TRAPPC10: variants seen among roughly 807,000 people sequenced by gnomAD.
TRAPPC10 encodes trafficking protein particle complex subunit 10, also known as TRAPP 130 kDa subunit.
TRAPPC10 carries 23 observed loss-of-function variants against 125.5 expected under a neutral mutation model. The observed-to-expected ratio is 0.18, with a 90% CI of 0.13 to 0.26. TRAPPC10 has a LOEUF of 0.26. Among genes scored for constraint, TRAPPC10 ranks in the 10% least tolerant of loss-of-function variants. The pLI is 1.00. For synonymous variants in TRAPPC10, 509 were observed against 518.0 expected (o/e 0.98, Z 0.24); for missense variants, 1,123 against 1,308.4 (o/e 0.86, Z 2.19).
At chr21:44,055,366 G>C (rs1454330648) in intron 4 of TRAPPC10, among the ~76,000 whole-genome samples, 5 of 152,072 alleles carry the variant, frequency 3.3e-5, no homozygotes, top group Non-Finnish European at 5.9e-5. Context: ...GAGGCAGGAG[G>C]ATTGTTTGAG....
At chr21:44,081,795 C>T (rs2037763685) in intron 13 of TRAPPC10, among the ~76,000 whole-genome samples, 1 of 152,140 alleles carries the variant, frequency 6.6e-6, no homozygotes, top group Non-Finnish European at 1.5e-5. Context: ...AGGAGGATCG[C>T]TTGAGCCCAG....
intron 5 of TRAPPC10, among the ~76,000 whole-genome samples, chr21:44,056,595 T>C (rs1014145146): frequency 2.6e-5 from 4 of 152,134 alleles, no homozygotes; most frequent in Non-Finnish European, 4.4e-5. Flanking sequence ...CTTTTCTCTG[T>C]AAAAAATGAT....
intron 7 of TRAPPC10, among the ~76,000 whole-genome samples, chr21:44,065,721 T>C (rs1168048973): frequency 6.6e-6 from 1 of 152,230 alleles, no homozygotes; most frequent in African/African-American, 2.4e-5. Flanking sequence ...CAGCCTCCCT[T>C]GTCGCTTGTG....
chr21:44,071,925 G>A lies in TRAPPC10; in HGVS notation c.1039-2399G>A, dbSNP rs886542378. ...TGAAAGCCTGCCCTTGTTCCTTGGC[G>A]TGGGTGTGTGCAGGACCTGCCTGCT... On this transcript the variant is annotated intron_variant, in intron 7 of 22. Coordinates refer to ENST00000291574, the MANE Select transcript of TRAPPC10 (RefSeq NM_003274.5). Among the ~76,000 whole-genome samples, 5 of 152,138 alleles carry A rather than the reference G, an allele frequency of 3.3e-5. No individual in the cohort carries two copies. The South Asian group carries it at 8.3e-4, about 25-fold the overall frequency.
intron 5 of TRAPPC10, among the ~76,000 whole-genome samples, chr21:44,056,297 A>G (rs541635610): frequency 6.6e-6 from 1 of 152,334 alleles, no homozygotes; most frequent in African/African-American, 2.4e-5. Context: ...AGAAGGAAAG[A>G]AAAACAGAAA....
chr21:44,040,018 T>C (rs944889790), intron 3 of TRAPPC10, among the ~76,000 whole-genome samples: 6 of 152,218 alleles, frequency 3.9e-5, no homozygotes, highest in Non-Finnish European at 8.8e-5. Flanking sequence ...AGTTTCAGAA[T>C]TGGTACACCT....
At position 44,091,907 on chromosome 21, in the gene TRAPPC10, T is replaced by C; in HGVS notation, c.2871-16T>C. Reference sequence around the variant, plus strand: ...TCTTACATATCAAAATAATACTTTTTGTTTTTCCACTTTAGGAAATATGTT... The same window carrying C: ...TCTTACATATCAAAATAATACTTTTCGTTTTTCCACTTTAGGAAATATGTT... On this transcript the variant is annotated splice_polypyrimidine_tract_variant and intron_variant, in intron 18 of 22. Transcript: ENST00000291574. 6.2e-7 allele frequency: 1 copy of C among 1,612,076 alleles called. No homozygotes were observed. Among genetic ancestry groups the C allele is most frequent in the Non-Finnish European group, 8.5e-7 (1 of 1,179,046 alleles).
chr21:44,089,918 T>G lies in TRAPPC10; in HGVS notation c.2855T>G (p.Leu952Arg). The G allele has an allele frequency of 6.2e-7, 1 of 1,613,636 alleles. No homozygotes were observed. Among genetic ancestry groups the G allele is most frequent in the Non-Finnish European group, 8.5e-7 (1 of 1,179,638 alleles). ...CCCTTCAGGACCACACACAGCCTCCTGTCCTCAGGAACACGGTAACGGAGG... is the reference window on the plus strand; with the variant it reads ...CCCTTCAGGACCACACACAGCCTCCGGTCCTCAGGAACACGGTAACGGAGG... Reference protein sequence around the residue: ...SVPFRTTHSLLSSGTRKYVQV... With the variant: ...SVPFRTTHSLRSSGTRKYVQV... The change falls in exon 18 of 23, where the codon CTG becomes CGG. Residue 952 changes from leucine to arginine, a missense_variant. By Grantham distance (102) the Leu-to-Arg change is moderately radical. This residue lies in a region of TRAPPC10 where 840 missense variants were observed against 902.0 expected (regional missense o/e 0.93). Transcript: ENST00000291574.
chr21:44,066,422 A>G (rs879561239), intron 7 of TRAPPC10, among the ~76,000 whole-genome samples: 2 of 152,098 alleles, frequency 1.3e-5, no homozygotes, highest in Non-Finnish European at 2.9e-5. Flanking sequence ...GATTGTGCCT[A>G]CCTTGCACAG....
intron 7 of TRAPPC10, among the ~76,000 whole-genome samples, chr21:44,073,956 G>A (rs1409100410): frequency 2.0e-5 from 3 of 150,166 alleles, no homozygotes; most frequent in Non-Finnish European, 4.4e-5. Context: ...GATCATATTT[G>A]GTCTTTTTCT....
intron 1 of TRAPPC10, among the ~76,000 whole-genome samples, chr21:44,027,217 G>A (rs989369103): frequency 6.6e-6 from 1 of 152,058 alleles, no homozygotes. Context: ...CCAAATAGAA[G>A]TATTGACCTT....
At chr21:44,093,210 A>G (rs147399520) in intron 19 of TRAPPC10, among the ~76,000 whole-genome samples, 154 of 151,052 alleles carry the variant, frequency 1.0e-3, no homozygotes, top group African/African-American at 3.6e-3. Flanking sequence ...TGTGATCCCA[A>G]CACTTTGGGA....
At chr21:44,058,883 A>G (rs2035816835) in intron 5 of TRAPPC10, among the ~76,000 whole-genome samples, 1 of 151,940 alleles carries the variant, frequency 6.6e-6, no homozygotes, top group African/African-American at 2.4e-5. Flanking sequence ...TGCTGCCGAT[A>G]GGTCGGGGAG....
chr21:44,040,348 C>T (rs931643693), intron 3 of TRAPPC10, among the ~76,000 whole-genome samples: 11 of 146,364 alleles, frequency 7.5e-5, no homozygotes, highest in Non-Finnish European at 1.4e-4. Context: ...TTCTCTCTCT[C>T]TTTTTTTTTT....
intron 1 of TRAPPC10, among the ~76,000 whole-genome samples, chr21:44,031,791 C>G (rs1006076329): frequency 1.3e-5 from 2 of 152,156 alleles, no homozygotes; most frequent in African/African-American, 4.8e-5. Flanking sequence ...GGAGCAGGCT[C>G]CCTCTCCTAA....
chr21:44,068,051 C>T (rs769909508), intron 7 of TRAPPC10, among the ~76,000 whole-genome samples: 4 of 148,922 alleles, frequency 2.7e-5, no homozygotes, highest in Non-Finnish European at 3.0e-5. Context: ...ACCTGGGAGG[C>T]AGAGGTTGCA....
intron 18 of TRAPPC10, among the ~76,000 whole-genome samples, chr21:44,091,451 A>AT (rs1211340646): frequency 1.3e-5 from 2 of 151,898 alleles, no homozygotes; most frequent in East Asian, 3.9e-4. Flanking sequence ...TTTATTTGTT[A>AT]TTTTTTTGAG....
At chr21:44,093,568 G>C (rs1308276848) in intron 19 of TRAPPC10, among the ~76,000 whole-genome samples, 1 of 152,112 alleles carries the variant, frequency 6.6e-6, no homozygotes, top group East Asian at 1.9e-4. Flanking sequence ...GACCAGCCTG[G>C]GCAACACGGT....
intron 15 of TRAPPC10, 69 bp from the exon 16 acceptor site, chr21:44,086,733 C>A: frequency 6.5e-7 from 1 of 1,545,032 alleles, no homozygotes; most frequent in Non-Finnish European, 8.9e-7. Flanking sequence ...CCCTTTCACC[C>A]CATTGCGGGC....
Sources: gnomAD v4.1 joint callset for allele counts (sites outside exome capture counted in the v4.1 genomes callset) on GRCh38, gnomAD v4.1.1 for gene constraint, gnomAD v4.1.1 regional missense constraint, MANE v1.5 for transcripts, NCBI Gene and HGNC (gene_info 2026-07-23, HGNC 2026-07-21) for gene names.